Variants in SEMA3B observed in about 807,000 individuals in gnomAD.
SEMA3B encodes semaphorin-3B.
In SEMA3B, 71 loss-of-function variants were observed where a neutral mutation model predicts 77.8. The ratio of observed to expected loss-of-function variants is 0.91; its 90% CI spans 0.75 to 1.11. The LOEUF (loss-of-function observed/expected upper bound fraction) is 1.11, where lower values mean the gene tolerates loss of function less well. Ranked by LOEUF, SEMA3B falls within the 50% of genes most tolerant of loss-of-function variation. The pLI is 0.00. For synonymous variants in SEMA3B, 470 were observed against 452.9 expected (o/e 1.04, Z -0.48); for missense variants, 968 against 1,056.8 (o/e 0.92, Z 1.17).
Position 50,276,656 on chromosome 3 carries a change from G to C in SEMA3B, c.2200G>C (p.Ala734Pro), listed in dbSNP as rs1701264564. 6.3e-7 allele frequency: 1 copy of C among 1,586,540 alleles called. No homozygotes were observed. Among genetic ancestry groups the C allele is most frequent in the East Asian group, 2.3e-5 (1 of 43,724 alleles). ...AAAGGGCCGTAACCGGAGGACCCAC[G>C]CCCCTGAGCCTCGCGCTGAGCGGGG... ...RRKGRNRRTH[A>P]PEPRAERGPR... Residue 734 changes from alanine (A) to proline (P), a missense_variant, in exon 17 of 17, where the codon GCC becomes CCC. Transcript: ENST00000616701. This position sits in a 1 kb window ranked among gnomAD's most constrained non-coding sequence, Gnocchi z 5.8.
rs1415362614 is a variant in SEMA3B, at chr3:50,275,949, C to T, written c.1845+105C>T. The T allele has an allele frequency of 7.1e-7, 1 of 1,398,686 alleles. No individual in the cohort carries two copies. Among genetic ancestry groups the T allele is most frequent in the Non-Finnish European group, 9.4e-7 (1 of 1,061,122 alleles). 86.6% of individuals were successfully genotyped at this position (1,398,686 alleles called of 1,614,324 possible). ...GCCCCGTCCAACCAGACCCACTCCC[C>T]GCCCTGTCCAGTTTGGTCCCTCACC... On this transcript the variant is annotated intron_variant, in intron 16 of 16. Coordinates refer to ENST00000616701, the MANE Select transcript of SEMA3B (RefSeq NM_001290060.2). The surrounding 1 kb of genome is among the most constrained non-coding windows in gnomAD (Gnocchi z 7.5).
In SEMA3B at chr3:50,269,840, A is replaced by G. The variant is rs1700997323; in HGVS notation, c.110-287A>G. On this transcript the variant is annotated intron_variant, in intron 1 of 16. Coordinates refer to ENST00000616701, the MANE Select transcript of SEMA3B (RefSeq NM_001290060.2). The surrounding 1 kb of genome is among the most constrained non-coding windows in gnomAD (Gnocchi z 4.0). ...AGTCTCCCCCAGGACTCTGGTGTCC[A>G]TAAGCCTTGCCTCCCAGTGCGCCCG... Among the ~76,000 whole-genome samples, 1 of 152,100 alleles carries G rather than the reference A, an allele frequency of 6.6e-6. No homozygotes were observed.
intron 6 of SEMA3B, among the ~76,000 whole-genome samples, chr3:50,272,339 C>T (rs1411082362): frequency 2.0e-5 from 3 of 152,066 alleles, no homozygotes; most frequent in South Asian, 4.1e-4. Flanking sequence ...CTTTGGGAGG[C>T]GGAGGCAGGC....
At chr3:50,264,639 C>A (rs1188689297), upstream of SEMA3B, among the ~76,000 whole-genome samples, 6 of 152,298 alleles carry the variant, frequency 3.9e-5, no homozygotes, top group East Asian at 1.2e-3. Context: ...TCTCCCCTAG[C>A]CAGTTAGGAG....
Position 50,271,496 on chromosome 3 carries a change from G to A in SEMA3B, c.664+16G>A. ...TGGCTCAATGGTGAGAGGCTGGTGG[G>A]GTTGGTGGGTAGAGGTCGTCACCCT... On this transcript the variant is annotated intron_variant, in intron 6 of 16. Coordinates refer to ENST00000616701, the MANE Select transcript of SEMA3B (RefSeq NM_001290060.2). 1 of 1,554,976 alleles carries A rather than the reference G, an allele frequency of 6.4e-7. No individual in the cohort carries two copies. Among genetic ancestry groups the A allele is most frequent in the Non-Finnish European group, 8.7e-7 (1 of 1,149,082 alleles).
At chr3:50,268,322 G>A (rs1365717652), upstream of SEMA3B, among the ~76,000 whole-genome samples, 2 of 152,210 alleles carry the variant, frequency 1.3e-5, no homozygotes, top group Non-Finnish European at 2.9e-5. Flanking sequence ...CTCCCTCTGA[G>A]GAATGGAGTG....
Position 50,273,809 on chromosome 3 carries a change from G to T in SEMA3B, c.973G>T (p.Ala325Ser). Residue 325 changes from alanine (A) to serine (S), a missense_variant, in exon 9 of 17, where the codon GCC (alanine) becomes TCC (serine). Coordinates refer to ENST00000616701, the MANE Select transcript of SEMA3B (RefSeq NM_001290060.2). This position sits in a 1 kb window ranked among gnomAD's most constrained non-coding sequence, Gnocchi z 6.5. ...SRDHRTPLLY[A>S]VFSTSSSIFQ... Reference sequence around the variant, plus strand: ...GGACCACCGGACCCCGCTGCTCTATGCCGTCTTCTCCACGTCCAGGTGAGG... The same window carrying T: ...GGACCACCGGACCCCGCTGCTCTATTCCGTCTTCTCCACGTCCAGGTGAGG... The T allele has an allele frequency of 6.3e-7, 1 of 1,584,202 alleles. No individual in the cohort carries two copies. The highest frequency in any genetic ancestry group is 8.6e-7 in the Non-Finnish European group (1 of 1,166,350).
chr3:50,269,994 A>T lies in SEMA3B; in HGVS notation c.110-133A>T. ...GGCTTGGGTTTGCGTGTGTAAACTC[A>T]CACACATGTAAACTCACATGTGTAC... On this transcript the variant is annotated intron_variant, in intron 1 of 16. Coordinates refer to ENST00000616701, the MANE Select transcript of SEMA3B (RefSeq NM_001290060.2). This position sits in a 1 kb window ranked among gnomAD's most constrained non-coding sequence, Gnocchi z 4.0. The T allele has an allele frequency of 1.0e-6, 1 of 968,368 alleles. No homozygotes were observed. Among genetic ancestry groups the T allele is most frequent in the Non-Finnish European group, 1.5e-6 (1 of 689,514 alleles). 60.0% of individuals were successfully genotyped at this position (968,368 alleles called of 1,614,324 possible). A position where few individuals can be genotyped will look rare whatever the true frequency, so the allele number is the denominator to read the frequency against.
In SEMA3B at chr3:50,271,161, G is replaced by A. The variant is rs1553705301; in HGVS notation, c.524G>A (p.Arg175Gln). 5 of 1,579,078 alleles carry A rather than the reference G, an allele frequency of 3.2e-6. No homozygotes were observed. Among genetic ancestry groups the A allele is most frequent in the Non-Finnish European group, 4.3e-6 (5 of 1,162,746 alleles). The change falls in exon 5 of 17, where the codon CGG becomes CAG. Residue 175 changes from arginine (R) to glutamine (Q), a missense_variant. By Grantham distance (43) the Arg-to-Gln change is conservative. Coordinates refer to ENST00000616701, the MANE Select transcript of SEMA3B (RefSeq NM_001290060.2). Reference sequence around the variant, plus strand: ...AAGAGTCCTTATGACCCCAGGCATCGGGCTGCCTCCGTGCTGGTGGGTGAG... The same window carrying A: ...AAGAGTCCTTATGACCCCAGGCATCAGGCTGCCTCCGTGCTGGTGGGTGAG... Reference protein sequence around the residue: ...KGKSPYDPRHRAASVLVGEEL... With the variant: ...KGKSPYDPRHQAASVLVGEEL...
At chr3:50,268,921 A>C, upstream of SEMA3B, 2 of 431,688 alleles carry the variant, frequency 4.6e-6, no homozygotes, top group African/African-American at 2.1e-5. Flanking sequence ...TATACAAGAG[A>C]GGAGATTACT....
Position 50,276,568 on chromosome 3 carries a change from G to A in SEMA3B, c.2112G>A (p.Ala704=), listed in dbSNP as rs782070582. Residue 704 remains alanine (A), a synonymous_variant, in exon 17 of 17, where the codon GCG becomes GCA. Coordinates refer to ENST00000616701, the MANE Select transcript of SEMA3B (RefSeq NM_001290060.2). This position sits in a 1 kb window ranked among gnomAD's most constrained non-coding sequence, Gnocchi z 5.8. ...TGGAGCCGGGCGGAGGTGGCAGCGC[G>A]AACTCCCTGCGCATGTGCCGCCCGC... ...QLVEPGGGGS[A]NSLRMCRPQP... The A allele has an allele frequency of 6.5e-7, 1 of 1,544,708 alleles. No individual in the cohort carries two copies. The highest frequency in any genetic ancestry group is 8.7e-7 in the Non-Finnish European group (1 of 1,150,268).
chr3:50,273,606 G>A lies in SEMA3B; in HGVS notation c.882G>A (p.Ser294=), dbSNP rs781979817. Residue 294 remains serine, a synonymous_variant, in exon 8 of 17, where the codon TCG becomes TCA. Transcript: ENST00000616701. The surrounding 1 kb of genome is among the most constrained non-coding windows in gnomAD (Gnocchi z 6.5). Reference sequence around the variant, plus strand: ...TCCTGAAGGCGCGGCTGGTGTGCTCGGTGCCCGGCGTCGAGGGCGACACCC... The same window carrying A: ...TCCTGAAGGCGCGGCTGGTGTGCTCAGTGCCCGGCGTCGAGGGCGACACCC... ...TTFLKARLVC[S]VPGVEGDTHF... 1.2e-6 allele frequency: 2 copies of A among 1,612,722 alleles called. No homozygotes were observed. The highest frequency in any genetic ancestry group is 2.2e-5 in the East Asian group (1 of 44,884).
At chr3:50,266,106 T>C (rs1700892284), upstream of SEMA3B, among the ~76,000 whole-genome samples, 1 of 152,028 alleles carries the variant, frequency 6.6e-6, no homozygotes, top group South Asian at 2.1e-4. Flanking sequence ...ACAGGGCCCC[T>C]GGGCCTGGAA....
chr3:50,265,124 C>T (rs1486888290), upstream of SEMA3B, among the ~76,000 whole-genome samples: 1 of 152,162 alleles, frequency 6.6e-6, no homozygotes, highest in Admixed American at 6.5e-5. Flanking sequence ...TGAGGACATG[C>T]CTGCAGACGC....
In SEMA3B at chr3:50,270,701, T is replaced by C; in HGVS notation, c.331-189T>C. 1 of 1,178,516 alleles carries C rather than the reference T, an allele frequency of 8.5e-7. No individual in the cohort carries two copies. Among genetic ancestry groups the C allele is most frequent in the Non-Finnish European group, 1.2e-6 (1 of 850,892 alleles). The allele number at this position is 1,178,516 out of a possible 1,614,324, so 73.0% of individuals were successfully genotyped here. A position where few individuals can be genotyped will look rare whatever the true frequency, so the allele number is the denominator to read the frequency against. ...TGAGTCATGGGAGGCTTTGCAGGCC[T>C]GTGCTTCCCCAGACACCCACCCTCG... On this transcript the variant is annotated intron_variant, in intron 3 of 16. Transcript: ENST00000616701. This position sits in a 1 kb window ranked among gnomAD's most constrained non-coding sequence, Gnocchi z 4.7.
At position 50,269,768 on chromosome 3, in the gene SEMA3B, C is replaced by T. The variant is rs1553705039; in HGVS notation, c.110-359C>T. ...GTGGTGGAGTGGCAGGAAAGGAACT[C>T]TCAGCCTGACTTTTGGGAGTTGGGG... On this transcript the variant is annotated intron_variant, in intron 1 of 16. Coordinates refer to ENST00000616701, the MANE Select transcript of SEMA3B (RefSeq NM_001290060.2). This position sits in a 1 kb window ranked among gnomAD's most constrained non-coding sequence, Gnocchi z 4.0. Among the ~76,000 whole-genome samples, 3 of 152,188 alleles carry T rather than the reference C, an allele frequency of 2.0e-5. No homozygotes were observed. The highest frequency in any genetic ancestry group is 7.2e-5 in the African/African-American group (3 of 41,446).
In SEMA3B at chr3:50,273,867, C is replaced by T. The variant is rs13078905; in HGVS notation, c.992+39C>T. On this transcript the variant is annotated intron_variant, in intron 9 of 16. Coordinates refer to ENST00000616701, the MANE Select transcript of SEMA3B (RefSeq NM_001290060.2). This position sits in a 1 kb window ranked among gnomAD's most constrained non-coding sequence, Gnocchi z 6.5. ...GGTAGGGAGCGCCCGGGGCGGGCCG[C>T]TGGGCTCCACCCGGCCCCTCACCTC... 1 of 1,569,656 alleles carries T rather than the reference C, an allele frequency of 6.4e-7. No homozygotes were observed. Among genetic ancestry groups the T allele is most frequent in the Non-Finnish European group, 8.7e-7 (1 of 1,155,716 alleles).
upstream of SEMA3B, chr3:50,269,042 G>A (rs1340204866): frequency 1.4e-5 from 8 of 590,654 alleles, no homozygotes; most frequent in African/African-American, 3.8e-5. This position sits in a 1 kb window ranked among gnomAD's most constrained non-coding sequence, Gnocchi z 4.0. Context: ...CCTCGGAGGG[G>A]AGGGTTCGGA....
At position 50,274,495 on chromosome 3, in the gene SEMA3B, G is replaced by A. The variant is rs1701159195; in HGVS notation, c.1270G>A (p.Val424Ile). 2.6e-6 allele frequency: 4 copies of A among 1,564,116 alleles called. No individual in the cohort carries two copies. Among genetic ancestry groups the A allele is most frequent in the Middle Eastern group, 3.4e-4 (2 of 5,820 alleles). The change falls in exon 11 of 17, where the codon GTT becomes ATT. Residue 424 changes from valine to isoleucine, a missense_variant. Transcript: ENST00000616701. The surrounding 1 kb of genome is among the most constrained non-coding windows in gnomAD (Gnocchi z 4.7). ...PTGGRPLFLQ[V>I]GANYTFTQIA... ...TGGGGGGCGCCCTCTTTTCCTACAA[G>A]TTGGAGCCAATTACACCTTCACTCA...
Sources: allele counts gnomAD v4.1 joint callset (sites outside exome capture counted in the v4.1 genomes callset), GRCh38; gene constraint gnomAD v4.1.1; non-coding constraint Gnocchi (gnomAD v3.1); transcripts MANE v1.5; gene names NCBI Gene and HGNC (gene_info 2026-07-23, HGNC 2026-07-21).